HIP1: variants seen among roughly 807,000 people sequenced by gnomAD.
HIP1 encodes the protein huntingtin-interacting protein 1.
Under a neutral mutation model 147.6 loss-of-function variants are expected in HIP1, and 65 were observed. The ratio of observed to expected loss-of-function variants is 0.44; its 90% CI spans 0.36 to 0.54. HIP1 has a LOEUF of 0.54. HIP1 is among the 20% of genes least tolerant of loss of function. The pLI, the probability that HIP1 is intolerant of heterozygous loss-of-function variation, is 0.00. For synonymous variants in HIP1, 479 were observed against 504.0 expected (o/e 0.95, Z 0.67); for missense variants, 1,061 against 1,299.6 (o/e 0.82, Z 2.82).
At chr7:75,544,620 C>A in intron 27 of HIP1, 75 bp downstream of exon 27, 1 of 892,658 alleles carries the variant, frequency 1.1e-6, no homozygotes, top group Admixed American at 1.8e-5. Flanking sequence ...CTAACGCAGC[C>A]AAGTACTCTT....
intron 1 of HIP1, among the ~76,000 whole-genome samples, chr7:75,714,096 G>T (rs1801243724): frequency 6.6e-6 from 1 of 151,368 alleles, no homozygotes; most frequent in South Asian, 2.1e-4. Flanking sequence ...CTGGAGTGCA[G>T]TGGCGCCATC....
At chr7:75,599,126 G>A in intron 2 of HIP1, 58 bp downstream of exon 2, 1 of 1,328,176 alleles carries the variant, frequency 7.5e-7, no homozygotes, top group Middle Eastern at 1.8e-4. Context: ...CCTGACCTCA[G>A]TCCCCATGAG....
intron 1 of HIP1, among the ~76,000 whole-genome samples, chr7:75,616,089 A>AAAAG (rs1198204364): frequency 4.0e-5 from 6 of 148,694 alleles, no homozygotes; most frequent in African/African-American, 9.9e-5. Flanking sequence ...CTGTCTCAAA[A>AAAAG]AAAAAAAAAA....
chr7:75,626,538 T>C (rs145794397), intron 1 of HIP1: 3 of 152,286 alleles, frequency 2.0e-5, no homozygotes, highest in African/African-American at 4.8e-5. Flanking sequence ...CAACCCGGTA[T>C]GGAAGGTAAT....
chr7:75,710,889 T>C (rs1554520074), intron 1 of HIP1, among the ~76,000 whole-genome samples: 1 of 152,188 alleles, frequency 6.6e-6, no homozygotes, highest in South Asian at 2.1e-4. Flanking sequence ...TACCATTCCA[T>C]AGACTATAAA....
chr7:75,681,896 C>T (rs2285874), intron 1 of HIP1, among the ~76,000 whole-genome samples: 88,598 of 151,670 alleles, frequency 0.58, 26,446 homozygotes, highest in African/African-American at 0.69. Context: ...CTGGTCCTGT[C>T]GTGTCCACCC....
chr7:75,602,198 G>A (rs1211153734), intron 1 of HIP1, among the ~76,000 whole-genome samples: 12 of 149,558 alleles, frequency 8.0e-5, no homozygotes, highest in Admixed American at 6.8e-5. Context: ...ACAGGGTTTC[G>A]CTATGTTGAC....
intron 1 of HIP1, among the ~76,000 whole-genome samples, chr7:75,603,700 C>T (rs1325843718): frequency 6.6e-6 from 1 of 151,756 alleles, no homozygotes; most frequent in Non-Finnish European, 1.5e-5. Context: ...TGGTGAAACC[C>T]TGTCTCTACA....
chr7:75,717,601 G>T (rs1244575662), intron 1 of HIP1, among the ~76,000 whole-genome samples: 1 of 149,120 alleles, frequency 6.7e-6, no homozygotes, highest in Non-Finnish European at 1.5e-5. Context: ...GGAGGCCAAG[G>T]CAGGCAGATC....
chr7:75,603,497 G>A (rs587768382), intron 1 of HIP1, among the ~76,000 whole-genome samples: 4 of 152,152 alleles, frequency 2.6e-5, no homozygotes, highest in African/African-American at 9.6e-5. Flanking sequence ...CATCAGATGG[G>A]GTCCTCTGGG....
At chr7:75,664,050 G>GTA (rs782384479) in intron 1 of HIP1, among the ~76,000 whole-genome samples, 346 of 16,384 alleles carry the variant, frequency 0.021, 23 homozygotes, top group Middle Eastern at 0.062. Context: ...ACATATATGT[G>GTA]TATATACACA....
intron 1 of HIP1, among the ~76,000 whole-genome samples, chr7:75,640,401 C>T (rs1293767516): frequency 6.6e-6 from 1 of 152,186 alleles, no homozygotes; most frequent in African/African-American, 2.4e-5. Flanking sequence ...CATGCTGCCA[C>T]GGGGCAACCA....
intron 1 of HIP1, among the ~76,000 whole-genome samples, chr7:75,623,449 G>A (rs1584893285): frequency 1.3e-5 from 2 of 152,288 alleles, no homozygotes; most frequent in African/African-American, 4.8e-5. Flanking sequence ...ATGGGAATGG[G>A]GCCTGGTGCC....
At chr7:75,567,550 C>T (rs1554495785) in intron 9 of HIP1, among the ~76,000 whole-genome samples, 2 of 151,434 alleles carry the variant, frequency 1.3e-5, no homozygotes, top group East Asian at 3.9e-4. Flanking sequence ...CGCCTGTAAT[C>T]CCAACACTTT....
intron 1 of HIP1, among the ~76,000 whole-genome samples, chr7:75,688,827 G>A (rs1800353363): frequency 6.6e-6 from 1 of 152,188 alleles, no homozygotes; most frequent in African/African-American, 2.4e-5. Flanking sequence ...CCCTGACTTG[G>A]GTGACAAGCA....
intron 1 of HIP1, among the ~76,000 whole-genome samples, chr7:75,618,105 C>T (rs1797729665): frequency 6.6e-6 from 1 of 152,248 alleles, no homozygotes; most frequent in South Asian, 2.1e-4. Context: ...GCCCAACTTC[C>T]TCTCTTCATG....
At chr7:75,700,651 G>GATC (rs1481933777) in intron 1 of HIP1, among the ~76,000 whole-genome samples, 1 of 151,798 alleles carries the variant, frequency 6.6e-6, no homozygotes, top group Admixed American at 6.6e-5. Flanking sequence ...AACACCTGAG[G>GATC]AAAACCAACG....
intron 1 of HIP1, among the ~76,000 whole-genome samples, chr7:75,668,319 T>C (rs1799622112): frequency 6.6e-6 from 1 of 152,102 alleles, no homozygotes. Flanking sequence ...TTCCCAACTT[T>C]TGTTTTGTAT....
intron 1 of HIP1, among the ~76,000 whole-genome samples, chr7:75,617,436 C>T (rs1488601673): frequency 6.6e-6 from 1 of 151,414 alleles, no homozygotes; most frequent in East Asian, 1.9e-4. Flanking sequence ...AGGCTGGTCT[C>T]GAACTCCTGG....
Sources: gnomAD v4.1 joint callset for allele counts (sites outside exome capture counted in the v4.1 genomes callset) on GRCh38, gnomAD v4.1.1 for gene constraint, MANE v1.5 for transcripts, NCBI Gene and HGNC (gene_info 2026-07-23, HGNC 2026-07-21) for gene names.